DENND5A: variants seen among roughly 807,000 people sequenced by gnomAD.
DENND5A encodes DENN domain-containing protein 5A.
DENND5A carries 64 observed loss-of-function variants against 140.3 expected under a neutral mutation model. The observed-to-expected ratio is 0.46, with a 90% CI of 0.37 to 0.56. The LOEUF (loss-of-function observed/expected upper bound fraction) is 0.56, where lower values mean the gene tolerates loss of function less well. Among genes scored for constraint, DENND5A ranks in the 20% least tolerant of loss-of-function variants. DENND5A has a pLI of 0.00. For missense variants in DENND5A, 1,292 were observed against 1,593.8 expected (o/e 0.81, Z 3.22); for synonymous variants, 605 against 607.7 (o/e 1.00, Z 0.07).
chr11:9,142,144 T>A (rs1415264825), intron 21 of DENND5A, 36 bp from the exon 22 acceptor site: 1 of 1,535,968 alleles, frequency 6.5e-7, no homozygotes, highest in African/African-American at 1.4e-5. Flanking sequence ...GTGAAAAGGC[T>A]CTCAACACCA....
intron 4 of DENND5A, among the ~76,000 whole-genome samples, chr11:9,195,900 A>C (rs1020744261): frequency 6.6e-6 from 1 of 152,166 alleles, no homozygotes. Flanking sequence ...CAAAAAACAA[A>C]AAAAAAAGGA....
intron 1 of DENND5A, among the ~76,000 whole-genome samples, chr11:9,254,659 T>C (rs1851868656): frequency 6.6e-6 from 1 of 152,150 alleles, no homozygotes; most frequent in Non-Finnish European, 1.5e-5. Flanking sequence ...TAGAGGAAGA[T>C]GAAAATTAAG....
At chr11:9,209,824 G>A (rs1216005549) in intron 1 of DENND5A, among the ~76,000 whole-genome samples, 1 of 152,012 alleles carries the variant, frequency 6.6e-6, no homozygotes, top group East Asian at 1.9e-4. Context: ...AACAGTAAGG[G>A]GCTGGGCACG....
At chr11:9,254,351 T>C (rs7116459) in intron 1 of DENND5A, among the ~76,000 whole-genome samples, 43,109 of 151,798 alleles carry the variant, frequency 0.28, 6,806 homozygotes, top group South Asian at 0.5. Flanking sequence ...TCTCAAAATA[T>C]GTATATATAC....
At chr11:9,207,806 A>G (rs1291858623) in intron 1 of DENND5A, among the ~76,000 whole-genome samples, 174 bp from the exon 2 acceptor site, 2 of 152,180 alleles carry the variant, frequency 1.3e-5, no homozygotes, top group Non-Finnish European at 2.9e-5. Flanking sequence ...ACTTACCTTT[A>G]CTATATATAT....
At chr11:9,226,697 T>C (rs989644072) in intron 1 of DENND5A, among the ~76,000 whole-genome samples, 2 of 152,178 alleles carry the variant, frequency 1.3e-5, no homozygotes, top group Non-Finnish European at 2.9e-5. Flanking sequence ...AAAACCAAAC[T>C]GACCGATCTA....
intron 1 of DENND5A, among the ~76,000 whole-genome samples, chr11:9,250,059 A>AC (rs1476671925): frequency 6.6e-6 from 1 of 151,646 alleles, no homozygotes; most frequent in East Asian, 1.9e-4. Context: ...AAAAAAAAAA[A>AC]ATCCTTAAAA....
intron 1 of DENND5A, among the ~76,000 whole-genome samples, chr11:9,249,369 T>C (rs1234335722): frequency 6.6e-6 from 1 of 152,142 alleles, no homozygotes; most frequent in East Asian, 1.9e-4. Flanking sequence ...ATTATTTCTT[T>C]TTTTGTTTCT....
At chr11:9,241,798 T>C (rs1051186863) in intron 1 of DENND5A, among the ~76,000 whole-genome samples, 1 of 152,080 alleles carries the variant, frequency 6.6e-6, no homozygotes, top group African/African-American at 2.4e-5. Context: ...GCGGATCACC[T>C]GAGGTCGGAA....
At chr11:9,207,396 A>G (rs140027516) in intron 2 of DENND5A, among the ~76,000 whole-genome samples, 165 bp downstream of exon 2, 3 of 152,304 alleles carry the variant, frequency 2.0e-5, no homozygotes, top group African/African-American at 7.2e-5. Flanking sequence ...GAAGAGAGAA[A>G]GAACCAAAGA....
intron 17 of DENND5A, 148 bp downstream of exon 17, chr11:9,145,522 C>G: frequency 2.2e-6 from 2 of 903,744 alleles, no homozygotes; most frequent in Non-Finnish European, 3.4e-6. Context: ...GTCTTTGGAT[C>G]CAGCCTCAGA....
intron 10 of DENND5A, among the ~76,000 whole-genome samples, chr11:9,168,566 G>A (rs1848264805): frequency 6.6e-6 from 1 of 151,990 alleles, no homozygotes; most frequent in South Asian, 2.1e-4. Flanking sequence ...TAGTAATGAG[G>A]AGGTTAGGTG....
At chr11:9,174,045 G>A (rs1374509356) in intron 8 of DENND5A, among the ~76,000 whole-genome samples, 1 of 138,404 alleles carries the variant, frequency 7.2e-6, no homozygotes, top group Non-Finnish European at 1.5e-5. Context: ...AGAAGTTGCA[G>A]TGAGCCTAGA....
At chr11:9,159,084 T>C (rs1378654561) in intron 12 of DENND5A, among the ~76,000 whole-genome samples, 2 of 152,232 alleles carry the variant, frequency 1.3e-5, no homozygotes, top group South Asian at 2.1e-4. Flanking sequence ...AGACATTTTG[T>C]ATAAATGAGA....
rs545615718 is a variant in DENND5A, at chr11:9,263,365, C to A, written c.109+1596G>T. Among the ~76,000 whole-genome samples, 7 of 151,616 alleles carry A rather than the reference C, an allele frequency of 4.6e-5. No individual in the cohort carries two copies. In the South Asian group the frequency reaches 1.2e-3, roughly 27 times the overall value. On this transcript the variant is annotated intron_variant, in intron 1 of 22. Coordinates refer to ENST00000328194, the MANE Select transcript of DENND5A (RefSeq NM_015213.4). ...CCTCCTGAGTAGCTGGGATTACAGG[C>A]ACGCGCCACGACGCCCGGCTAATTT...
At chr11:9,173,671 A>G (rs1848448359) in intron 8 of DENND5A, among the ~76,000 whole-genome samples, 1 of 152,208 alleles carries the variant, frequency 6.6e-6, no homozygotes, top group South Asian at 2.1e-4. Context: ...TACAGTTCTT[A>G]TACTATGTGG....
At chr11:9,141,752 G>A (rs1332603632) in intron 22 of DENND5A, among the ~76,000 whole-genome samples, 188 bp downstream of exon 22, 1 of 152,170 alleles carries the variant, frequency 6.6e-6, no homozygotes, top group African/African-American at 2.4e-5. Flanking sequence ...TTGTTACGCA[G>A]CACATTTTAT....
At chr11:9,201,327 A>G (rs1198586438) in intron 4 of DENND5A, among the ~76,000 whole-genome samples, 1 of 151,406 alleles carries the variant, frequency 6.6e-6, no homozygotes, top group Non-Finnish European at 1.5e-5. Flanking sequence ...GTGAGCCATT[A>G]TTGTGCCACT....
At chr11:9,220,641 C>A (rs1850273269) in intron 1 of DENND5A, among the ~76,000 whole-genome samples, 1 of 151,732 alleles carries the variant, frequency 6.6e-6, no homozygotes, top group Non-Finnish European at 1.5e-5. Flanking sequence ...ACCTATAATC[C>A]CAGCACTTTG....
Sources: gnomAD v4.1 joint callset for allele counts (sites outside exome capture counted in the v4.1 genomes callset) on GRCh38, gnomAD v4.1.1 for gene constraint, MANE v1.5 for transcripts, NCBI Gene and HGNC (gene_info 2026-07-23, HGNC 2026-07-21) for gene names.